MACROD2: variants seen among roughly 807,000 people sequenced by gnomAD.
MACROD2 encodes the protein mono-ADP ribosylhydrolase 2, also known as ADP-ribose glycohydrolase MACROD2.
In MACROD2, 36 loss-of-function variants were observed where a neutral mutation model predicts 70.4. The ratio of observed to expected loss-of-function variants is 0.51; its 90% CI spans 0.39 to 0.68. MACROD2 has a LOEUF of 0.68. MACROD2 is among the 30% of genes least tolerant of loss of function. The pLI, the probability that MACROD2 is intolerant of heterozygous loss-of-function variation, is 0.00. For missense variants in MACROD2, 496 were observed against 538.4 expected, an observed-to-expected ratio of 0.92 and a Z score of 0.78; for synonymous variants, 172 against 178.8, an observed-to-expected ratio of 0.96 and a Z score of 0.30.
chr20:15,966,999 T>A (rs1601234183), intron 12 of MACROD2, among the ~76,000 whole-genome samples: 1 of 152,146 alleles, frequency 6.6e-6, no homozygotes, highest in African/African-American at 2.4e-5. Flanking sequence ...AACGATTCCA[T>A]GTTTAAATGT....
chr20:14,874,285 GATTCATTTATTTATTT>G (rs1323483111), intron 5 of MACROD2, among the ~76,000 whole-genome samples: 1 of 134,456 alleles, frequency 7.4e-6, no homozygotes, highest in Non-Finnish European at 1.6e-5. Context: ...ATCAAATGGA[GATTCATTTATTTATTT>G]ATTTATTTAT....
intron 5 of MACROD2, among the ~76,000 whole-genome samples, chr20:14,930,693 C>T (rs1266797747): frequency 6.8e-6 from 1 of 146,140 alleles, no homozygotes; most frequent in Non-Finnish European, 1.5e-5. Flanking sequence ...CAGCACTTTG[C>T]CAGGCTGACG....
At chr20:14,267,951 A>G (rs1568529267) in intron 3 of MACROD2, among the ~76,000 whole-genome samples, 1 of 145,106 alleles carries the variant, frequency 6.9e-6, no homozygotes, top group Non-Finnish European at 1.5e-5. Context: ...TTATTATGGT[A>G]AAAGAGCTAC....
intron 6 of MACROD2, among the ~76,000 whole-genome samples, chr20:15,404,105 TAGTGCTTGAG>T (rs1031595205): frequency 2.0e-5 from 3 of 152,208 alleles, no homozygotes; most frequent in Non-Finnish European, 2.9e-5. Context: ...TCCATCTTTA[TAGTGCTTGAG>T]AGTACATAGA....
At chr20:14,710,882 T>C (rs773931816) in intron 5 of MACROD2, among the ~76,000 whole-genome samples, 19 of 152,166 alleles carry the variant, frequency 1.2e-4, no homozygotes, top group Admixed American at 4.6e-4. Context: ...CATCTAAGTA[T>C]ACAATCATTG....
chr20:14,614,208 A>G (rs1234713591), intron 4 of MACROD2, among the ~76,000 whole-genome samples: 1 of 152,028 alleles, frequency 6.6e-6, no homozygotes, highest in Non-Finnish European at 1.5e-5. Flanking sequence ...CTGCCCTTTC[A>G]TTTCTTGGTC....
intron 5 of MACROD2, among the ~76,000 whole-genome samples, chr20:14,891,279 A>G (rs781156355): frequency 6.6e-6 from 1 of 152,166 alleles, no homozygotes; most frequent in Non-Finnish European, 1.5e-5. Flanking sequence ...GGCCAAGATA[A>G]CAGATAAGCA....
chr20:14,659,369 CT>C (rs2123529981), intron 4 of MACROD2, among the ~76,000 whole-genome samples: 1 of 152,240 alleles, frequency 6.6e-6, no homozygotes, highest in Non-Finnish European at 1.5e-5. Context: ...TTCTTCCCTT[CT>C]GATGTCTTGT....
At chr20:14,464,367 G>T (rs2084412475) in intron 3 of MACROD2, among the ~76,000 whole-genome samples, 1 of 152,088 alleles carries the variant, frequency 6.6e-6, no homozygotes, top group African/African-American at 2.4e-5. Context: ...ATTTCTGTGG[G>T]ATCAGTGGTG....
intron 15 of MACROD2, among the ~76,000 whole-genome samples, chr20:15,993,798 A>C (rs1568693275): frequency 6.6e-6 from 1 of 152,216 alleles, no homozygotes; most frequent in Non-Finnish European, 1.5e-5. Context: ...ATCAGACAAA[A>C]TTCGTTTTCA....
chr20:15,346,981 A>G (rs1309920124), intron 6 of MACROD2, among the ~76,000 whole-genome samples: 1 of 152,150 alleles, frequency 6.6e-6, no homozygotes, highest in Non-Finnish European at 1.5e-5. Context: ...TGCTAGAGAG[A>G]AAAGCAGAGA....
intron 3 of MACROD2, among the ~76,000 whole-genome samples, chr20:14,258,819 C>T (rs982580103): frequency 2.0e-5 from 3 of 152,106 alleles, no homozygotes; most frequent in African/African-American, 7.2e-5. Flanking sequence ...CCTATGTTAT[C>T]TTCTAGATTC....
chr20:14,453,724 A>G (rs61600898), intron 3 of MACROD2, among the ~76,000 whole-genome samples: 2,934 of 152,146 alleles, frequency 0.019, 112 homozygotes, highest in African/African-American at 0.067. Flanking sequence ...GAAATTACCT[A>G]TAGATCCACT....
chr20:14,968,795 A>T (rs2423882), intron 5 of MACROD2, among the ~76,000 whole-genome samples: 34,303 of 152,112 alleles, frequency 0.23, 5,347 homozygotes, highest in African/African-American at 0.42. Flanking sequence ...CCCTACCACA[A>T]GTAAAACTTG....
intron 3 of MACROD2, among the ~76,000 whole-genome samples, chr20:14,122,036 C>G (rs1313543604): frequency 6.6e-6 from 1 of 152,034 alleles, no homozygotes. Context: ...GACATTAAAA[C>G]TTTTTTAGGC....
intron 5 of MACROD2, among the ~76,000 whole-genome samples, chr20:14,703,928 A>T (rs1382005297): frequency 3.3e-5 from 5 of 151,800 alleles, no homozygotes; most frequent in Admixed American, 3.3e-4. Flanking sequence ...GGGTTTTACC[A>T]TATTCCCCAA....
At chr20:15,264,460 A>G (rs975227436) in intron 6 of MACROD2, among the ~76,000 whole-genome samples, 5 of 152,174 alleles carry the variant, frequency 3.3e-5, no homozygotes, top group African/African-American at 1.2e-4. Context: ...TATTATGTAC[A>G]TACACATGAG....
At chr20:14,008,213 G>A (rs528051765) in intron 2 of MACROD2, among the ~76,000 whole-genome samples, 5 of 152,230 alleles carry the variant, frequency 3.3e-5, no homozygotes, top group African/African-American at 9.6e-5. Context: ...GATCCTACAC[G>A]TAGAAAACCC....
intron 3 of MACROD2, among the ~76,000 whole-genome samples, chr20:14,436,855 A>G (rs540544462): frequency 2.0e-5 from 3 of 152,382 alleles, no homozygotes; most frequent in Non-Finnish European, 2.9e-5. Context: ...AGTGATGTGT[A>G]TTAAGCATGC....
Sources: allele counts gnomAD v4.1 joint callset (sites outside exome capture counted in the v4.1 genomes callset), GRCh38; gene constraint gnomAD v4.1.1; transcripts MANE v1.5; gene names NCBI Gene and HGNC (gene_info 2026-07-23, HGNC 2026-07-21).